The following MARCHF1 variants were observed in gnomAD, a reference collection of about 807,000 sequenced individuals.
The protein encoded by MARCHF1 is E3 ubiquitin-protein ligase MARCHF1.
Under a neutral mutation model 54.2 loss-of-function variants are expected in MARCHF1, and 40 were observed. The ratio of observed to expected loss-of-function variants is 0.74; its 90% confidence interval spans 0.57 to 0.96. The LOEUF is 0.96. Among genes scored for constraint, MARCHF1 ranks in the 40% least tolerant of loss-of-function variants. The pLI is 0.00. For synonymous variants in MARCHF1, 236 were observed against 236.3 expected, an observed-to-expected ratio of 1.00 and a Z score of 0.01; for missense variants, 586 against 656.5, an observed-to-expected ratio of 0.89 and a Z score of 1.17.
intron 3 of MARCHF1, among the ~76,000 whole-genome samples, chr4:163,892,240 G>A (rs1202680995): frequency 6.6e-6 from 1 of 152,126 alleles, no homozygotes; most frequent in Non-Finnish European, 1.5e-5. Context: ...CTAGTGCAGT[G>A]CTTTAAAAAT....
chr4:164,289,327 C>A (rs370404480), intron 1 of MARCHF1, among the ~76,000 whole-genome samples: 5 of 152,052 alleles, frequency 3.3e-5, no homozygotes, highest in East Asian at 1.9e-4. Flanking sequence ...TTAGCAATAA[C>A]TTCTAGTGTA....
At chr4:164,196,007 T>C (rs1731245934) in intron 1 of MARCHF1, among the ~76,000 whole-genome samples, 4 of 152,184 alleles carry the variant, frequency 2.6e-5, no homozygotes, top group Admixed American at 2.6e-4. Flanking sequence ...ATGCTGCAAT[T>C]TTCCAGCAAT....
intron 4 of MARCHF1, among the ~76,000 whole-genome samples, chr4:163,754,339 T>C (rs1722935992): frequency 6.6e-6 from 1 of 152,166 alleles, no homozygotes; most frequent in Admixed American, 6.5e-5. Flanking sequence ...CTTGAACCAA[T>C]AATGGAAGAG....
chr4:163,965,671 AT>A (rs1405547781), intron 3 of MARCHF1, among the ~76,000 whole-genome samples: 1 of 152,120 alleles, frequency 6.6e-6, no homozygotes, highest in Non-Finnish European at 1.5e-5. Flanking sequence ...ATGGCACTGA[AT>A]TTATATCTGC....
chr4:164,319,669 A>G (rs1735090967), intron 1 of MARCHF1, among the ~76,000 whole-genome samples: 1 of 152,142 alleles, frequency 6.6e-6, no homozygotes, highest in African/African-American at 2.4e-5. Flanking sequence ...TTTAGTTCAG[A>G]TAATTTATTT....
intron 1 of MARCHF1, among the ~76,000 whole-genome samples, chr4:164,163,282 A>T (rs182714736): frequency 2.0e-5 from 3 of 152,026 alleles, no homozygotes; most frequent in East Asian, 3.8e-4. Context: ...AAAAGCTAAG[A>T]TAAAACTAAA....
At chr4:164,003,947 T>C (rs1753234983) in intron 2 of MARCHF1, among the ~76,000 whole-genome samples, 3 of 152,126 alleles carry the variant, frequency 2.0e-5, no homozygotes, top group Non-Finnish European at 1.5e-5. Flanking sequence ...CATGGAATAC[T>C]ATGCAGCCAT....
At chr4:163,715,188 T>C (rs1278989541) in intron 4 of MARCHF1, among the ~76,000 whole-genome samples, 1 of 152,196 alleles carries the variant, frequency 6.6e-6, no homozygotes, top group Non-Finnish European at 1.5e-5. Context: ...TTGGCAGCAG[T>C]ATTGGATTAA....
chr4:163,749,298 T>C (rs1262898582), intron 4 of MARCHF1, among the ~76,000 whole-genome samples: 1 of 152,146 alleles, frequency 6.6e-6, no homozygotes, highest in Non-Finnish European at 1.5e-5. Context: ...ATTGCTTTTT[T>C]TTTCTGTTTT....
chr4:163,666,587 T>G (rs1371849240), intron 5 of MARCHF1, among the ~76,000 whole-genome samples: 1 of 152,160 alleles, frequency 6.6e-6, no homozygotes, highest in Non-Finnish European at 1.5e-5. Context: ...CTTCTTGAGT[T>G]GACTGCTGTG....
chr4:163,603,781 A>T (rs1741054431), intron 7 of MARCHF1, among the ~76,000 whole-genome samples: 1 of 151,510 alleles, frequency 6.6e-6, no homozygotes, highest in East Asian at 1.9e-4. Context: ...AGTCATACCT[A>T]TTTTCCCTTC....
At chr4:164,068,637 C>A (rs1373170591) in intron 2 of MARCHF1, among the ~76,000 whole-genome samples, 3 of 152,164 alleles carry the variant, frequency 2.0e-5, no homozygotes, top group South Asian at 2.1e-4. Context: ...GAGCCTCCCC[C>A]ACCTGCCATG....
chr4:164,310,729 T>A (rs1415602775), intron 1 of MARCHF1, among the ~76,000 whole-genome samples: 1 of 152,052 alleles, frequency 6.6e-6, no homozygotes, highest in Non-Finnish European at 1.5e-5. Flanking sequence ...TACTCATAGC[T>A]CCTTAATTTA....
intron 9 of MARCHF1, among the ~76,000 whole-genome samples, chr4:163,542,261 T>C (rs995241337): frequency 6.6e-6 from 1 of 152,158 alleles, no homozygotes; most frequent in African/African-American, 2.4e-5. Context: ...GTGGAAAAGC[T>C]TAGGTACCAG....
intron 1 of MARCHF1, among the ~76,000 whole-genome samples, chr4:164,226,810 C>G (rs1210357713): frequency 6.6e-6 from 1 of 151,944 alleles, no homozygotes; most frequent in Non-Finnish European, 1.5e-5. Flanking sequence ...AACTTGCTTC[C>G]TAGTGAAATT....
rs190614129 is a variant in MARCHF1 at position 163,528,761 on chromosome 4, A to G, written c.1625T>C (p.Val542Ala). 8.1e-5 allele frequency: 131 copies of G among 1,610,504 alleles called. 1 individual carries two copies. The East Asian group carries it at 1.7e-3, about 21-fold the overall frequency. Residue 542 changes from valine (V) to alanine (A), a missense_variant, in exon 10 of 10, where the codon GTT becomes GCT. By Grantham distance (64) the Val-to-Ala change is moderately conservative. Around this residue, in one of 3 missense-constraint regions of MARCHF1, gnomAD observed 106 missense variants for 93.8 expected, o/e 1.13. Coordinates refer to ENST00000514618, the MANE Select transcript of MARCHF1 (RefSeq NM_001394959.1). ...LPSAEGGPPE[V>A]VSV ...CAACAGGTTCCATCAGACTGATACA[A>G]CTTCAGGGGGGCCACCCTCTGCAGA...
intron 5 of MARCHF1, among the ~76,000 whole-genome samples, chr4:163,676,335 C>A (rs1358954256): frequency 1.9e-4 from 26 of 137,762 alleles, no homozygotes; most frequent in African/African-American, 6.9e-4. Context: ...CCAGCCTGGG[C>A]AACAAGAGCA....
At chr4:164,255,229 T>C (rs1579664535) in intron 1 of MARCHF1, among the ~76,000 whole-genome samples, 1 of 152,122 alleles carries the variant, frequency 6.6e-6, no homozygotes, top group Admixed American at 6.6e-5. Context: ...TCTCCGTTCT[T>C]GTATTGCAGC....
At chr4:163,774,174 C>T (rs777375181) in intron 4 of MARCHF1, among the ~76,000 whole-genome samples, 10 of 152,136 alleles carry the variant, frequency 6.6e-5, no homozygotes, top group Non-Finnish European at 1.5e-4. Flanking sequence ...TTTAAATCAT[C>T]TCCAGATTAC....
Sources: gnomAD v4.1 joint callset for allele counts (sites outside exome capture counted in the v4.1 genomes callset) on GRCh38, gnomAD v4.1.1 for gene constraint, gnomAD v4.1.1 regional missense constraint, MANE v1.5 for transcripts, NCBI Gene and HGNC (gene_info 2026-07-23, HGNC 2026-07-21) for gene names.